EBF1: variants seen among roughly 807,000 people sequenced by gnomAD.
The protein encoded by EBF1 is EBF transcription factor 1, also known as transcription factor COE1.
EBF1 carries 10 observed loss-of-function variants against 68.4 expected under a neutral mutation model. That is an observed-to-expected ratio of 0.15 (90% CI 0.09 to 0.25). EBF1 has a LOEUF of 0.25. EBF1 is among the 10% of genes least tolerant of loss of function. The pLI is 1.00. For synonymous variants in EBF1, 298 were observed against 299.8 expected, an observed-to-expected ratio of 0.99 and a Z score of 0.06; for missense variants, 509 against 794.4, an observed-to-expected ratio of 0.64 and a Z score of 4.32.
intron 6 of EBF1, among the ~76,000 whole-genome samples, chr5:158,873,982 G>A (rs1005874534): frequency 6.6e-6 from 1 of 152,152 alleles, no homozygotes; most frequent in Admixed American, 6.6e-5. Context: ...CCTGTATGAT[G>A]GAAAGAAGGC....
intron 10 of EBF1, 147 bp from the exon 11 acceptor site, chr5:158,731,304 C>T: frequency 1.2e-6 from 1 of 814,486 alleles, no homozygotes; most frequent in Non-Finnish European, 1.9e-6. Context: ...TGTGAATGAT[C>T]TCTTGGCTAA....
chr5:158,852,711 C>T (rs898930958), intron 6 of EBF1, among the ~76,000 whole-genome samples: 1 of 152,168 alleles, frequency 6.6e-6, no homozygotes, highest in Admixed American at 6.5e-5. Context: ...AAAATAGAGT[C>T]TGACACTTTA....
At chr5:159,077,437 A>C in intron 5 of EBF1, among the ~76,000 whole-genome samples, 1 of 152,188 alleles carries the variant, frequency 6.6e-6, no homozygotes, top group East Asian at 1.9e-4. Flanking sequence ...TCCGTCTCAA[A>C]AAGAAAAAAG....
chr5:158,980,868 A>C (rs950869739), intron 6 of EBF1, among the ~76,000 whole-genome samples: 1 of 152,198 alleles, frequency 6.6e-6, no homozygotes, highest in Non-Finnish European at 1.5e-5. Flanking sequence ...CCCCTTGTCT[A>C]TATCAAGGGA....
chr5:159,034,005 T>C (rs1769496819), intron 6 of EBF1, among the ~76,000 whole-genome samples: 1 of 152,170 alleles, frequency 6.6e-6, no homozygotes, highest in African/African-American at 2.4e-5. Context: ...TTATAATATG[T>C]AGTGTTTGCA....
intron 6 of EBF1, among the ~76,000 whole-genome samples, chr5:158,895,081 T>C (rs1801908997): frequency 6.6e-6 from 1 of 151,892 alleles, no homozygotes; most frequent in Non-Finnish European, 1.5e-5. Context: ...TCCAAATTTA[T>C]TTACCATTGT....
rs561217739 is a variant in EBF1, at chr5:158,970,008, C to A, written c.554+103388G>T. Among the ~76,000 whole-genome samples, 8 of 151,986 alleles carry A rather than the reference C, an allele frequency of 5.3e-5. No homozygotes were observed. In the South Asian group the frequency reaches 1.7e-3, roughly 32 times the overall value. On this transcript the variant is annotated intron_variant, in intron 6 of 15. Coordinates refer to ENST00000313708, the MANE Select transcript of EBF1 (RefSeq NM_024007.5). Reference sequence around the variant, plus strand: ...CACCCCAAACAAAAGAAATCTGCCCCTTTTTAGGCACATGAAAAATGACAA... The same window carrying A: ...CACCCCAAACAAAAGAAATCTGCCCATTTTTAGGCACATGAAAAATGACAA...
At chr5:159,025,365 A>T (rs987960062) in intron 6 of EBF1, among the ~76,000 whole-genome samples, 1 of 152,194 alleles carries the variant, frequency 6.6e-6, no homozygotes, top group Non-Finnish European at 1.5e-5. Flanking sequence ...GTGTCCAAGT[A>T]AGCATGTAAG....
At chr5:158,732,666 G>A (rs1764348355) in intron 10 of EBF1, among the ~76,000 whole-genome samples, 2 of 151,804 alleles carry the variant, frequency 1.3e-5, no homozygotes, top group South Asian at 2.1e-4. Context: ...TGAGTAAAAA[G>A]CCAATAATTA....
At chr5:158,982,682 C>CTT (rs11371442) in intron 6 of EBF1, among the ~76,000 whole-genome samples, 1 of 151,770 alleles carries the variant, frequency 6.6e-6, no homozygotes, top group Middle Eastern at 3.4e-3. Context: ...GTCCAGCTTG[C>CTT]TTTTTTTTGG....
chr5:158,898,541 C>A lies in EBF1; in HGVS notation c.555-58431G>T, dbSNP rs565372522. ...TTTATTTTTCCAAACTACCCAGTAC[C>A]AGAGGTTTTTCTAACTGGGACATTT... is the stretch of plus-strand genomic sequence containing the variant. On this transcript the variant is annotated intron_variant, in intron 6 of 15. Transcript: ENST00000313708. 2.6e-5 allele frequency among the ~76,000 whole-genome samples: 4 copies of A among 152,270 alleles called. No homozygotes were observed. The East Asian group carries it at 7.7e-4, about 29-fold the overall frequency.
At chr5:158,840,155 ACGGGAGGG>A (rs1325390292) in intron 6 of EBF1, 45 bp from the exon 7 acceptor site, 2 of 1,497,414 alleles carry the variant, frequency 1.3e-6, no homozygotes, top group Admixed American at 1.7e-5. Flanking sequence ...GGTTTCTGAC[ACGGGAGGG>A]AAAAAAGAGG....
At chr5:158,997,899 C>T (rs559668989) in intron 6 of EBF1, among the ~76,000 whole-genome samples, 1 of 152,246 alleles carries the variant, frequency 6.6e-6, no homozygotes, top group African/African-American at 2.4e-5. Flanking sequence ...ACCAGATACC[C>T]ACTATGTGCC....
intron 5 of EBF1, among the ~76,000 whole-genome samples, chr5:159,077,768 G>C (rs1219403341): frequency 1.0e-4 from 1 of 9,818 alleles, no homozygotes; most frequent in African/African-American, 3.8e-4. Context: ...TTTTTTTTTT[G>C]CACTCCCAGG....
At chr5:159,047,696 C>T (rs759186100) in intron 6 of EBF1, among the ~76,000 whole-genome samples, 2 of 152,162 alleles carry the variant, frequency 1.3e-5, no homozygotes, top group Non-Finnish European at 2.9e-5. Context: ...AAACCCATAC[C>T]TCTTCTCATG....
At chr5:158,891,492 C>A (rs775761779) in intron 6 of EBF1, among the ~76,000 whole-genome samples, 1 of 152,148 alleles carries the variant, frequency 6.6e-6, no homozygotes, top group South Asian at 2.1e-4. Flanking sequence ...CCTTTGGATT[C>A]GAAGTAGACC....
chr5:158,981,792 T>C (rs1157655864), intron 6 of EBF1, among the ~76,000 whole-genome samples: 1 of 152,214 alleles, frequency 6.6e-6, no homozygotes, highest in Non-Finnish European at 1.5e-5. Flanking sequence ...CACTGACTGA[T>C]GTAGAACAAT....
intron 9 of EBF1, among the ~76,000 whole-genome samples, chr5:158,792,483 C>T (rs1168704833): frequency 6.6e-6 from 1 of 152,194 alleles, no homozygotes; most frequent in Non-Finnish European, 1.5e-5. Context: ...CTGATTTTCT[C>T]TGGCTCTTTA....
chr5:159,092,755 G>C (rs1256756720), intron 4 of EBF1, among the ~76,000 whole-genome samples: 4 of 152,162 alleles, frequency 2.6e-5, no homozygotes, highest in Non-Finnish European at 5.9e-5. Context: ...TAAACAGGCA[G>C]CTAAGAAAAG....
Sources: allele counts gnomAD v4.1 joint callset (sites outside exome capture counted in the v4.1 genomes callset), GRCh38; gene constraint gnomAD v4.1.1; transcripts MANE v1.5; gene names NCBI Gene and HGNC (gene_info 2026-07-23, HGNC 2026-07-21).